The following TOGARAM2 variants were observed in gnomAD, a reference collection of about 807,000 sequenced individuals.
TOGARAM2 encodes the protein TOG array regulator of axonemal microtubules 2, also known as TOG array regulator of axonemal microtubules protein 2.
In TOGARAM2, 85 loss-of-function variants were observed where a neutral mutation model predicts 93.3. The observed-to-expected ratio is 0.91, with a 90% CI of 0.76 to 1.09. The LOEUF (loss-of-function observed/expected upper bound fraction) is 1.09, where lower values mean the gene tolerates loss of function less well. Ranked by LOEUF, TOGARAM2 falls within the 50% of genes least tolerant of loss-of-function variation. The pLI is 0.00. For missense variants in TOGARAM2, 1,277 were observed against 1,334.5 expected, an observed-to-expected ratio of 0.96 and a Z score of 0.67; for synonymous variants, 593 against 552.8, an observed-to-expected ratio of 1.07 and a Z score of -1.02.
At chr2:28,966,078 G>T (rs1474885245) in intron 1 of TOGARAM2, among the ~76,000 whole-genome samples, 2 of 151,710 alleles carry the variant, frequency 1.3e-5, no homozygotes, top group African/African-American at 4.8e-5. Context: ...CTGGAGTGCA[G>T]TGGCACGATT....
intron 1 of TOGARAM2, among the ~76,000 whole-genome samples, chr2:28,993,037 G>A (rs1217924135): frequency 1.4e-5 from 2 of 145,308 alleles, no homozygotes; most frequent in East Asian, 4.0e-4. Context: ...TCCAGCCTGG[G>A]TGGCAGAGAG....
At chr2:29,042,174 G>T (rs1007383713) in intron 18 of TOGARAM2, among the ~76,000 whole-genome samples, 1 of 152,224 alleles carries the variant, frequency 6.6e-6, no homozygotes, top group Non-Finnish European at 1.5e-5. Flanking sequence ...AACCTGAAAG[G>T]TGAGCCTTCA....
intron 6 of TOGARAM2, among the ~76,000 whole-genome samples, chr2:29,007,790 C>A (rs554541527): frequency 4.7e-4 from 71 of 152,162 alleles, no homozygotes; most frequent in African/African-American, 1.7e-3. Flanking sequence ...TCCCCGCTGT[C>A]CCCCAGTGCT....
rs747053999 is a variant in TOGARAM2, at chr2:29,045,375, G to T, written c.2687G>T (p.Gly896Val). The T allele has an allele frequency of 6.2e-7, 1 of 1,613,658 alleles. No individual in the cohort carries two copies. Among genetic ancestry groups the T allele is most frequent in the South Asian group, 1.1e-5 (1 of 91,076 alleles). Reference sequence around the variant, plus strand: ...GCTGGGCGAGTGCGTTTCCTGAGTGGCCGTGCGGTGCTGGATGTCACAGAT... The same window carrying T: ...GCTGGGCGAGTGCGTTTCCTGAGTGTCCGTGCGGTGCTGGATGTCACAGAT... Reference protein sequence around the residue: ...ALAGRVRFLSGRAVLDVTDRL... With the variant: ...ALAGRVRFLSVRAVLDVTDRL... The change falls in exon 19 of 20, where the codon GGC (glycine) becomes GTC (valine). Residue 896 changes from glycine to valine, a missense_variant. Transcript: ENST00000379558.
intron 6 of TOGARAM2, among the ~76,000 whole-genome samples, chr2:29,004,894 GTGTGAGTGCA>G (rs1472965793): frequency 6.8e-6 from 1 of 147,750 alleles, no homozygotes; most frequent in Non-Finnish European, 1.5e-5. Context: ...ATGTGTACAT[GTGTGAGTGCA>G]TGTGTGTGCA....
chr2:29,050,060 A>C (rs1224510085), intron 19 of TOGARAM2: 1 of 152,222 alleles, frequency 6.6e-6, no homozygotes, highest in African/African-American at 2.4e-5. Flanking sequence ...GACAAATTGC[A>C]GTTTCATGAA....
intron 1 of TOGARAM2, among the ~76,000 whole-genome samples, chr2:28,981,770 C>G (rs1672204372): frequency 6.6e-6 from 1 of 152,228 alleles, no homozygotes; most frequent in Non-Finnish European, 1.5e-5. Flanking sequence ...GTTGGACTCA[C>G]TGTTCTCTGA....
intron 19 of TOGARAM2, chr2:29,048,292 A>G (rs941349473): frequency 3.9e-5 from 6 of 152,148 alleles, no homozygotes; most frequent in Middle Eastern, 3.4e-3. Flanking sequence ...GGGAGCTACA[A>G]TTCAAGATGA....
At chr2:29,005,992 TAGG>T (rs1663761365) in intron 6 of TOGARAM2, among the ~76,000 whole-genome samples, 2 of 145,112 alleles carry the variant, frequency 1.4e-5, no homozygotes, top group African/African-American at 5.1e-5. Flanking sequence ...AGTGCATGTG[TAGG>T]GTGTGTATGT....
chr2:28,971,428 TCTCGAA>T (rs946531755), intron 1 of TOGARAM2, among the ~76,000 whole-genome samples: 1 of 152,074 alleles, frequency 6.6e-6, no homozygotes, highest in Non-Finnish European at 1.5e-5. Context: ...CCCAGGCTGT[TCTCGAA>T]CTCCCCAGCT....
chr2:28,964,396 CTT>C (rs1203740142), intron 1 of TOGARAM2, among the ~76,000 whole-genome samples: 1 of 148,774 alleles, frequency 6.7e-6, no homozygotes, highest in Non-Finnish European at 1.5e-5. Context: ...TGATGTATCT[CTT>C]TTTTTTCCTC....
chr2:29,007,550 C>T (rs963616962), intron 6 of TOGARAM2, among the ~76,000 whole-genome samples: 1 of 152,068 alleles, frequency 6.6e-6, no homozygotes, highest in Non-Finnish European at 1.5e-5. Context: ...CCTTCTTGAC[C>T]TCCCCTAATA....
chr2:28,957,360 T>G (rs1044384095), intron 1 of TOGARAM2, among the ~76,000 whole-genome samples: 4 of 152,070 alleles, frequency 2.6e-5, no homozygotes, highest in Admixed American at 1.3e-4. Context: ...TTTGTATTTT[T>G]AGTAGAGACG....
At chr2:28,989,661 TC>T (rs1311760341) in intron 1 of TOGARAM2, among the ~76,000 whole-genome samples, 8 of 152,178 alleles carry the variant, frequency 5.3e-5, no homozygotes, top group Admixed American at 5.2e-4. Flanking sequence ...AGCCTTGGCC[TC>T]CCAAAGTGCC....
chr2:28,985,434 C>T (rs1157194067), intron 1 of TOGARAM2, among the ~76,000 whole-genome samples: 1 of 150,252 alleles, frequency 6.7e-6, no homozygotes, highest in Non-Finnish European at 1.5e-5. Context: ...ATGGTGTGAT[C>T]TCGGCTCATT....
At chr2:29,017,659 C>T in intron 9 of TOGARAM2, 133 bp from the exon 10 acceptor site, 1 of 864,312 alleles carries the variant, frequency 1.2e-6, no homozygotes, top group East Asian at 3.0e-5. Flanking sequence ...CATCCTCCTA[C>T]CTCGGACTCC....
At chr2:28,995,300 G>C (rs1359460213) in intron 2 of TOGARAM2, among the ~76,000 whole-genome samples, 1 of 152,234 alleles carries the variant, frequency 6.6e-6, no homozygotes, top group African/African-American at 2.4e-5. Context: ...TTGAGGCCTG[G>C]CTCTGCTTTT....
At chr2:28,998,482 C>CT (rs1219710644) in intron 3 of TOGARAM2, among the ~76,000 whole-genome samples, 1 of 152,216 alleles carries the variant, frequency 6.6e-6, no homozygotes, top group Admixed American at 6.5e-5. Context: ...GCAGGGCTCT[C>CT]TGCATGCGCC....
At chr2:28,989,394 C>T (rs1463845223) in intron 1 of TOGARAM2, among the ~76,000 whole-genome samples, 1 of 112,306 alleles carries the variant, frequency 8.9e-6, no homozygotes, top group Non-Finnish European at 1.9e-5. Flanking sequence ...GTGAGATAAG[C>T]ATTATCTCCT....
Sources: gnomAD v4.1 joint callset for allele counts (sites outside exome capture counted in the v4.1 genomes callset) on GRCh38, gnomAD v4.1.1 for gene constraint, MANE v1.5 for transcripts, NCBI Gene and HGNC (gene_info 2026-07-23, HGNC 2026-07-21) for gene names.